The following CNOT10 variants were observed in gnomAD, a reference collection of about 807,000 sequenced individuals.
CNOT10 encodes CCR4-NOT transcription complex subunit 10, also known as CCR4-NOT transcription complex, subunit 10.
Under a neutral mutation model 94.6 loss-of-function variants are expected in CNOT10, and 30 were observed. The ratio of observed to expected loss-of-function variants is 0.32; its 90% CI spans 0.24 to 0.43. CNOT10 has a LOEUF of 0.43. CNOT10 is among the 20% of genes least tolerant of loss of function. The pLI is 1.00. For missense variants in CNOT10, 759 were observed against 877.2 expected, an observed-to-expected ratio of 0.87 and a Z score of 1.70; for synonymous variants, 289 against 301.6, an observed-to-expected ratio of 0.96 and a Z score of 0.43.
At chr3:32,716,346 A>C in intron 6 of CNOT10, 35 bp downstream of exon 6, 1 of 1,006,138 alleles carries the variant, frequency 9.9e-7, no homozygotes, top group Admixed American at 2.1e-5. Flanking sequence ...AATACATCAC[A>C]TATATTTAAT....
At chr3:32,720,432 T>C (rs1698317370) in intron 8 of CNOT10, among the ~76,000 whole-genome samples, 1 of 152,136 alleles carries the variant, frequency 6.6e-6, no homozygotes, top group Non-Finnish European at 1.5e-5. Context: ...GCTTTCACTT[T>C]GCTTTCTTTC....
chr3:32,726,207 G>T (rs1698658544), intron 9 of CNOT10, among the ~76,000 whole-genome samples: 1 of 152,072 alleles, frequency 6.6e-6, no homozygotes, highest in Non-Finnish European at 1.5e-5. Context: ...GTCTTCCAAG[G>T]TGCTGGAATT....
chr3:32,690,060 G>A (rs543752511), intron 1 of CNOT10, among the ~76,000 whole-genome samples: 13 of 152,300 alleles, frequency 8.5e-5, no homozygotes, highest in African/African-American at 2.6e-4. Flanking sequence ...TATGTTGGGC[G>A]TTACAGGCCA....
intron 1 of CNOT10, among the ~76,000 whole-genome samples, chr3:32,692,613 T>G (rs556800843): frequency 2.1e-4 from 32 of 152,304 alleles, no homozygotes; most frequent in African/African-American, 7.2e-4. Flanking sequence ...AGGTAATTTA[T>G]GGAGTAATTG....
At chr3:32,770,558 C>T (rs929840906) in intron 18 of CNOT10, among the ~76,000 whole-genome samples, 1 of 151,984 alleles carries the variant, frequency 6.6e-6, no homozygotes, top group African/African-American at 2.4e-5. Flanking sequence ...ATCTCCTGAC[C>T]TCATGATCTG....
chr3:32,768,201 T>A (rs1157266069), intron 17 of CNOT10, among the ~76,000 whole-genome samples: 17 of 152,014 alleles, frequency 1.1e-4, no homozygotes, highest in Admixed American at 1.1e-3. Flanking sequence ...TCTTGTATTT[T>A]AAAAAAAGCT....
At chr3:32,718,459 C>T (rs1698224751) in intron 7 of CNOT10, among the ~76,000 whole-genome samples, 2 of 150,356 alleles carry the variant, frequency 1.3e-5, no homozygotes, top group African/African-American at 4.9e-5. Flanking sequence ...TGGCGGGCGC[C>T]TGTAGTCCCA....
At chr3:32,747,020 G>A (rs1226805782) in intron 13 of CNOT10, among the ~76,000 whole-genome samples, 1 of 151,984 alleles carries the variant, frequency 6.6e-6, no homozygotes, top group Non-Finnish European at 1.5e-5. Context: ...GGGGGGCTGA[G>A]GCAGGAGAAT....
chr3:32,716,592 T>G (rs1389377426), intron 6 of CNOT10, among the ~76,000 whole-genome samples: 1 of 152,194 alleles, frequency 6.6e-6, no homozygotes, highest in Non-Finnish European at 1.5e-5. Flanking sequence ...AAAGTCATTG[T>G]TAGCCATGTG....
At chr3:32,702,929 T>A (rs1697425470) in intron 1 of CNOT10, among the ~76,000 whole-genome samples, 1 of 149,812 alleles carries the variant, frequency 6.7e-6, no homozygotes. Flanking sequence ...TTTTTTTTTT[T>A]GAGACGGAGT....
intron 1 of CNOT10, among the ~76,000 whole-genome samples, chr3:32,699,289 T>G (rs1216846238): frequency 6.6e-6 from 1 of 152,244 alleles, no homozygotes; most frequent in Non-Finnish European, 1.5e-5. Context: ...TTTCTTTTAT[T>G]TAACAACATG....
chr3:32,767,247 A>G (rs971116225), intron 17 of CNOT10, among the ~76,000 whole-genome samples: 10 of 152,264 alleles, frequency 6.6e-5, no homozygotes, highest in African/African-American at 2.4e-4. Flanking sequence ...AGCCGGGCGC[A>G]GTGGCTCACA....
chr3:32,717,640 C>T (rs771130725), intron 7 of CNOT10, among the ~76,000 whole-genome samples: 6 of 151,986 alleles, frequency 3.9e-5, no homozygotes, highest in Admixed American at 1.3e-4. Flanking sequence ...CCAAGGTGGG[C>T]GGATCACCTG....
At chr3:32,770,024 G>C in intron 18 of CNOT10, 62 bp downstream of exon 18, 8 of 1,322,392 alleles carry the variant, frequency 6.0e-6, no homozygotes, top group Non-Finnish European at 8.7e-6. Context: ...TTTTGGTTGG[G>C]AGACAGGGTC....
chr3:32,750,312 T>C (rs1305624570), intron 13 of CNOT10, among the ~76,000 whole-genome samples: 2 of 152,092 alleles, frequency 1.3e-5, no homozygotes, highest in South Asian at 4.1e-4. Context: ...CTGACCAATA[T>C]GGTGAAACCC....
chr3:32,729,760 C>CTTTTTT (rs10590243), intron 10 of CNOT10, among the ~76,000 whole-genome samples: 1 of 71,722 alleles, frequency 1.4e-5, no homozygotes, highest in Non-Finnish European at 2.4e-5. Context: ...ATTTATACTT[C>CTTTTTT]TTTTTTTTTT....
At position 32,753,148 on chromosome 3, in the gene CNOT10, T is replaced by C. The variant is rs1260778837; in HGVS notation, c.1596-6310T>C. 5 of 604,712 alleles carry C rather than the reference T, an allele frequency of 8.3e-6. No homozygotes were observed. In the African/African-American group the frequency reaches 9.2e-5, roughly 11 times the overall value. 37.5% of individuals were successfully genotyped at this position (604,712 alleles called of 1,614,324 possible). A position where few individuals can be genotyped will look rare whatever the true frequency, so the allele number is the denominator to read the frequency against. ...AATTCAATCCAAATAATTCCACCAC[T>C]ATGTTGAGAAAAGGAACATGTGAAT... On this transcript the variant is annotated intron_variant, in intron 13 of 18. Transcript: ENST00000328834.
intron 8 of CNOT10, among the ~76,000 whole-genome samples, chr3:32,722,284 G>T (rs866756992): frequency 6.6e-6 from 1 of 152,126 alleles, no homozygotes. Flanking sequence ...GAGTGATGGA[G>T]GATGGAGAAA....
chr3:32,733,907 A>T (rs1180561961), intron 11 of CNOT10, among the ~76,000 whole-genome samples: 1 of 152,212 alleles, frequency 6.6e-6, no homozygotes, highest in African/African-American at 2.4e-5. Context: ...CTAGGACTGA[A>T]AATACATGAA....
Sources: gnomAD v4.1 joint callset for allele counts (sites outside exome capture counted in the v4.1 genomes callset) on GRCh38, gnomAD v4.1.1 for gene constraint, MANE v1.5 for transcripts, NCBI Gene and HGNC (gene_info 2026-07-23, HGNC 2026-07-21) for gene names.